The following CPT1C variants were observed in gnomAD, a reference collection of about 807,000 sequenced individuals.
CPT1C encodes palmitoyl thioesterase CPT1C.
A neutral mutation model predicts 97.3 loss-of-function variants in CPT1C; 61 were observed. The observed-to-expected ratio is 0.63, with a 90% confidence interval of 0.51 to 0.78. The LOEUF (loss-of-function observed/expected upper bound fraction) is 0.78, where lower values mean the gene tolerates loss of function less well. Among genes scored for constraint, CPT1C ranks in the 30% least tolerant of loss-of-function variants. The pLI, the probability that CPT1C is intolerant of heterozygous loss-of-function variation, is 0.00. For synonymous variants in CPT1C, 469 were observed against 447.2 expected (o/e 1.05, Z -0.61); for missense variants, 975 against 1,065.5 (o/e 0.92, Z 1.18).
At chr19:49,698,834 G>A (rs2082824586) in intron 4 of CPT1C, among the ~76,000 whole-genome samples, 1 of 151,918 alleles carries the variant, frequency 6.6e-6, no homozygotes, top group Non-Finnish European at 1.5e-5. Context: ...GGGATGTGGT[G>A]ACTCACACCT....
At position 49,713,484 on chromosome 19, in the gene CPT1C, C is replaced by T. The variant is rs1203357984; in HGVS notation, c.2291C>T (p.Ala764Val). ...CTGGATGTGGCCTCCCTGTTCCAGG[C>T]GGGACAGCATTTTAAGCGCCGGTTC... Reference protein sequence around the residue: ...ALLDVASLFQAGQHFKRRFRG... With the variant: ...ALLDVASLFQVGQHFKRRFRG... The change falls in exon 20 of 20, where the codon GCG (alanine) becomes GTG (valine). Residue 764 changes from alanine to valine, a missense_variant. By Grantham distance (64) the Ala-to-Val change is moderately conservative. Around this residue, in one of 3 missense-constraint regions of CPT1C, gnomAD observed 344 missense variants for 395.7 expected, o/e 0.87. Coordinates refer to ENST00000598293, the MANE Select transcript of CPT1C (RefSeq NM_001199753.2). The T allele has an allele frequency of 3.7e-6, 6 of 1,614,152 alleles. No individual in the cohort carries two copies. The highest frequency in any genetic ancestry group is 1.1e-5 in the South Asian group (1 of 91,088).
chr19:49,706,079 C>T lies in CPT1C; in HGVS notation c.1135C>T (p.Leu379=), dbSNP rs1273362087. The T allele has an allele frequency of 6.2e-7, 1 of 1,613,658 alleles. No individual in the cohort carries two copies. Among genetic ancestry groups the T allele is most frequent in the Admixed American group, 1.7e-5 (1 of 59,966 alleles). ...PSPACPHEEH[L]AALTAAPRGT... ...ACCGGCCTGCCCCCACGAGGAACAT[C>T]TGGCAGCTCTGACAGCTGCTCCCAG... is the stretch of plus-strand genomic sequence containing the variant. The change falls in exon 11 of 20, where the codon CTG becomes TTG. Residue 379 remains leucine, a synonymous_variant. Transcript: ENST00000598293. This position sits in a 1 kb window ranked among gnomAD's most constrained non-coding sequence, Gnocchi z 4.8.
Position 49,704,559 on chromosome 19 carries a change from A to C in CPT1C, c.694-151A>C. On this transcript the variant is annotated intron_variant, in intron 7 of 19. Coordinates refer to ENST00000598293, the MANE Select transcript of CPT1C (RefSeq NM_001199753.2). ...ACTGATCCCCCATGGATGGATTTCT[A>C]GGTGATCGCTAGTTACTGACTACGA... 1.6e-5 allele frequency: 10 copies of C among 641,114 alleles called. No individual in the cohort carries two copies. In the Admixed American group the frequency reaches 2.0e-4, roughly 13 times the overall value. The allele number at this position is 641,114 out of a possible 1,614,324, so 39.7% of individuals were successfully genotyped here.
chr19:49,701,630 A>C lies in CPT1C; in HGVS notation c.689A>C (p.Asn230Thr), dbSNP rs375896661. The C allele has an allele frequency of 5.0e-6, 8 of 1,597,162 alleles. No individual in the cohort carries two copies. The Admixed American group carries it at 1.4e-4, about 27-fold the overall frequency. ...CGGCTCAAGTCCTGGTGGGCGTCCA[A>C]TTATGTGAGTCCCGCCACCGCCACC... ...YLRLKSWWAS[N>T]YVSDWWEEFV... The change falls in exon 7 of 20, where the codon AAT (asparagine) becomes ACT (threonine). Residue 230 changes from asparagine to threonine, a missense_variant. Physicochemically the swap from Asn to Thr is moderately conservative, Grantham distance 65. This residue lies in a region of CPT1C where 596 missense variants were observed against 603.1 expected (regional missense o/e 0.99). Coordinates refer to ENST00000598293, the MANE Select transcript of CPT1C (RefSeq NM_001199753.2).
At chr19:49,703,512 TTCTTTCTCTA>T (rs1360932289) in intron 7 of CPT1C, among the ~76,000 whole-genome samples, 1 of 148,204 alleles carries the variant, frequency 6.7e-6, no homozygotes, top group Non-Finnish European at 1.5e-5. Context: ...CTTTCTTTCT[TTCTTTCTCTA>T]TCTTTCTCTC....
chr19:49,708,698 T>A lies in CPT1C; in HGVS notation c.1450-25T>A, dbSNP rs888342530. 6.4e-6 allele frequency: 10 copies of A among 1,562,008 alleles called. No homozygotes were observed. In the African/African-American group the frequency reaches 1.4e-4, roughly 21 times the overall value. On this transcript the variant is annotated intron_variant, in intron 13 of 19. Coordinates refer to ENST00000598293, the MANE Select transcript of CPT1C (RefSeq NM_001199753.2). ...CCTCAGTCCACAGGGAGGAAGGGAC[T>A]CTAACAGCCTCTGTTTGCCCACAGT...
At chr19:49,695,278 ATTT>A (rs947374904) in intron 3 of CPT1C, among the ~76,000 whole-genome samples, 7 of 127,538 alleles carry the variant, frequency 5.5e-5, no homozygotes, top group African/African-American at 9.5e-5. Context: ...AAAATGCACA[ATTT>A]TTTTTTTTTT....
In CPT1C at chr19:49,711,858, C is replaced by T; in HGVS notation, c.1916C>T (p.Ala639Val). The T allele has an allele frequency of 6.2e-7, 1 of 1,614,022 alleles. No homozygotes were observed. Among genetic ancestry groups the T allele is most frequent in the Non-Finnish European group, 8.5e-7 (1 of 1,180,032 alleles). The change falls in exon 17 of 20, where the codon GCT (alanine) becomes GTT (valine). Residue 639 changes from alanine to valine, a missense_variant. Physicochemically the swap from Ala to Val is moderately conservative, Grantham distance 64. This residue lies in a region of CPT1C where 344 missense variants were observed against 395.7 expected (regional missense o/e 0.87). Transcript: ENST00000598293. Reference sequence around the variant, plus strand: ...CGCGTGGCAGTGGACAAGCACCAGGCTCTGCTGAAGGCAGCCATGAGCGGG... The same window carrying T: ...CGCGTGGCAGTGGACAAGCACCAGGTTCTGCTGAAGGCAGCCATGAGCGGG... Reference protein sequence around the residue: ...LFRVAVDKHQALLKAAMSGQG... With the variant: ...LFRVAVDKHQVLLKAAMSGQG...
At chr19:49,700,953 CCT>C (rs1189465784) in intron 5 of CPT1C, 98 bp downstream of exon 5, 8 of 1,332,078 alleles carry the variant, frequency 6.0e-6, no homozygotes, top group Non-Finnish European at 7.4e-6. Flanking sequence ...GGTCTCTGTC[CCT>C]CTCTCTCTGG....
intron 19 of CPT1C, 88 bp from the exon 20 acceptor site, chr19:49,713,332 A>T: frequency 8.0e-7 from 1 of 1,257,578 alleles, no homozygotes; most frequent in Non-Finnish European, 1.1e-6. Flanking sequence ...CCTCAGACTC[A>T]GGAATCCAGG....
At chr19:49,701,140 T>TCTCTCTCTGGGTCTCTGTCCCCCC in intron 5 of CPT1C, among the ~76,000 whole-genome samples, 177 bp from the exon 6 acceptor site, 2 of 145,136 alleles carry the variant, frequency 1.4e-5, no homozygotes, top group African/African-American at 5.1e-5. Context: ...TCTGTCCCCC[T>TCTCTCTCTGGGTCTCTGTCCCCCC]CTCTCTGGGT....
rs1268306544 is a variant in CPT1C at position 49,691,164 on chromosome 19, A to G, written c.-260A>G. ...AGAGAGGAATCGGGGTTTCTGGGTG[A>G]CGGTGATCTCGGGGTGGGCAGGACT... On this transcript the variant is annotated 5_prime_UTR_variant, in exon 1 of 20. Transcript: ENST00000598293. 1 of 151,820 alleles carries G rather than the reference A, an allele frequency of 6.6e-6. No homozygotes were observed. Among genetic ancestry groups the G allele is most frequent in the Non-Finnish European group, 1.5e-5 (1 of 67,990 alleles). 9.4% of individuals were successfully genotyped at this position (151,820 alleles called of 1,614,324 possible).
chr19:49,713,049 A>G lies in CPT1C; in HGVS notation c.2211A>G (p.Lys737=). The G allele has an allele frequency of 1.2e-6, 2 of 1,613,952 alleles. No individual in the cohort carries two copies. Among genetic ancestry groups the G allele is most frequent in the Non-Finnish European group, 8.5e-7 (1 of 1,179,886 alleles). The change falls in exon 19 of 20, where the codon AAA becomes AAG. Residue 737 remains lysine (K), a synonymous_variant. Coordinates refer to ENST00000598293, the MANE Select transcript of CPT1C (RefSeq NM_001199753.2). ...GMITFHISSK[K]SSTKTDSHRL... ...TCACCTTCCACATCTCCAGCAAAAA[A>G]TCAAGCACAAAAACGGTGAGACAAA...
In CPT1C at chr19:49,706,321, G is replaced by A; in HGVS notation, c.1251G>A (p.Leu417=). 2 of 1,527,106 alleles carry A rather than the reference G, an allele frequency of 1.3e-6. No homozygotes were observed. Among genetic ancestry groups the A allele is most frequent in the Non-Finnish European group, 1.8e-6 (2 of 1,141,098 alleles). 94.6% of individuals were successfully genotyped at this position (1,527,106 alleles called of 1,614,324 possible). ...AVEGAAFFVS[L]DAEPAGLTRE... ...AAGGGGCCGCTTTCTTTGTGTCACT[G>A]GATGCTGAGCCCGCGGGGCTCACCA... The change falls in exon 12 of 20, where the codon CTG becomes CTA. Residue 417 remains leucine, a synonymous_variant. Transcript: ENST00000598293. The surrounding 1 kb of genome is among the most constrained non-coding windows in gnomAD (Gnocchi z 4.8).
intron 17 of CPT1C, chr19:49,712,185 A>G (rs911313452): frequency 5.6e-6 from 3 of 531,752 alleles, no homozygotes; most frequent in Non-Finnish European, 1.0e-5. Flanking sequence ...TCTACTAAAA[A>G]TACAAAAATT....
At chr19:49,710,237 C>A in intron 14 of CPT1C, 83 bp from the exon 15 acceptor site, 1 of 1,371,586 alleles carries the variant, frequency 7.3e-7, no homozygotes, top group South Asian at 1.2e-5. Context: ...TCCACATCCA[C>A]CTCCGCTTCC....
At position 49,706,457 on chromosome 19, in the gene CPT1C, A is replaced by T; in HGVS notation, c.1343+44A>T. On this transcript the variant is annotated intron_variant, in intron 12 of 19. Transcript: ENST00000598293. The surrounding 1 kb of genome is among the most constrained non-coding windows in gnomAD (Gnocchi z 4.8). ...GGGGCCCCCAGATGTGGCACCCGAG[A>T]ATCCAGTATCAGACCTAGGACCCCT... 7.0e-7 allele frequency: 1 copy of T among 1,419,612 alleles called. No homozygotes were observed. Among genetic ancestry groups the T allele is most frequent in the Admixed American group, 3.4e-5 (1 of 29,488 alleles). The allele number at this position is 1,419,612 out of a possible 1,614,324, so 87.9% of individuals were successfully genotyped here.
In CPT1C at chr19:49,697,398, G is replaced by T. The variant is rs144430094; in HGVS notation, c.214G>T (p.Ala72Ser). The change falls in exon 4 of 20, where the codon GCC becomes TCC. Residue 72 changes from alanine to serine, a missense_variant. Coordinates refer to ENST00000598293, the MANE Select transcript of CPT1C (RefSeq NM_001199753.2). ...WLFLFSAIQL[A>S]WFLQLDPSLG... ...TTTCCTCTTCAGTGCCATCCAGCTT[G>T]CCTGGTTCCTCCAGCTGGATCCTTC... The T allele has an allele frequency of 6.2e-7, 1 of 1,614,146 alleles. No homozygotes were observed. The highest frequency in any genetic ancestry group is 8.5e-7 in the Non-Finnish European group (1 of 1,180,040).
intron 8 of CPT1C, 92 bp from the exon 9 acceptor site, chr19:49,704,915 C>T: frequency 7.1e-7 from 1 of 1,409,118 alleles, no homozygotes; most frequent in Non-Finnish European, 1.0e-6. Flanking sequence ...ATTCCACCCT[C>T]TTTTGGGGTC....
Sources: gnomAD v4.1 joint callset for allele counts (sites outside exome capture counted in the v4.1 genomes callset) on GRCh38, gnomAD v4.1.1 for gene constraint, gnomAD v4.1.1 regional missense constraint, Gnocchi (gnomAD v3.1) non-coding constraint, MANE v1.5 for transcripts, NCBI Gene and HGNC (gene_info 2026-07-23, HGNC 2026-07-21) for gene names.